TNKS: variants seen among roughly 807,000 people sequenced by gnomAD.
TNKS encodes the protein tankyrase, also known as poly [ADP-ribose] polymerase tankyrase-1.
TNKS carries 72 observed loss-of-function variants against 135.8 expected under a neutral mutation model. The ratio of observed to expected loss-of-function variants is 0.53; its 90% confidence interval spans 0.44 to 0.64. The LOEUF is 0.64. Ranked by LOEUF, TNKS falls within the 30% of genes least tolerant of loss-of-function variation. TNKS has a pLI of 0.00. For synonymous variants in TNKS, 849 were observed against 649.3 expected, an observed-to-expected ratio of 1.31 and a Z score of -4.68; for missense variants, 1,769 against 1,674.0, an observed-to-expected ratio of 1.06 and a Z score of -0.99.
At position 9,770,086 on chromosome 8, in the gene TNKS, GT is replaced by G. The variant is rs780340221; in HGVS notation, c.3741-13del. The G allele has an allele frequency of 1.3e-6, 2 of 1,580,428 alleles. No homozygotes were observed. Among genetic ancestry groups the G allele is most frequent in the Middle Eastern group, 1.7e-4 (1 of 5,912 alleles). ...GATTTAAAGCTTCCTTCAAAGCATTGTTTTTTTCTTTTTCCTTAGACAAATG... is the reference window on the plus strand; with the variant it reads ...GATTTAAAGCTTCCTTCAAAGCATTGTTTTTTCTTTTTCCTTAGACAAATG... On this transcript the variant is annotated intron_variant, in intron 25 of 26. Transcript: ENST00000310430.
intron 25 of TNKS, among the ~76,000 whole-genome samples, 179 bp downstream of exon 25, chr8:9,766,604 G>A (rs1030367276): frequency 6.6e-5 from 10 of 150,820 alleles, no homozygotes; most frequent in African/African-American, 2.0e-4. Context: ...TCCTGCCTCA[G>A]CCTCCTCAGT....
intron 25 of TNKS, among the ~76,000 whole-genome samples, chr8:9,767,958 CAAAAAAA>C (rs1030767438): frequency 2.9e-5 from 2 of 68,068 alleles, no homozygotes; most frequent in Admixed American, 3.5e-4. Flanking sequence ...GACTCCGTCT[CAAAAAAA>C]AAAAAAAAAA....
chr8:9,706,923 C>T lies in TNKS; in HGVS notation c.1382C>T (p.Pro461Leu), dbSNP rs761541460. 2 of 1,613,988 alleles carry T rather than the reference C, an allele frequency of 1.2e-6. No individual in the cohort carries two copies. The highest frequency in any genetic ancestry group is 2.2e-5 in the East Asian group (1 of 44,860). ...TTGTTACTTAGCCATGGCGCTGATC[C>T]TACATTAGTCAACTGCCATGGCAAA... Reference protein sequence around the residue: ...CSLLLSHGADPTLVNCHGKSA... With the variant: ...CSLLLSHGADLTLVNCHGKSA... Residue 461 changes from proline to leucine, a missense_variant, in exon 8 of 27, where the codon CCT (proline) becomes CTT (leucine). This residue lies in a region of TNKS where 523 missense variants were observed against 541.0 expected (regional missense o/e 0.97). Coordinates refer to ENST00000310430, the MANE Select transcript of TNKS (RefSeq NM_003747.3).
At chr8:9,603,834 A>T (rs1457823476) in intron 2 of TNKS, among the ~76,000 whole-genome samples, 1 of 152,242 alleles carries the variant, frequency 6.6e-6, no homozygotes, top group Admixed American at 6.5e-5. Context: ...AAGAGAGAAC[A>T]GAACTCATCA....
At chr8:9,561,794 A>G (rs1797338864) in intron 1 of TNKS, among the ~76,000 whole-genome samples, 1 of 152,106 alleles carries the variant, frequency 6.6e-6, no homozygotes, top group African/African-American at 2.4e-5. Context: ...CCCAAAGTAT[A>G]TGTACCATTT....
At chr8:9,566,238 C>G (rs970649935) in intron 1 of TNKS, 3 of 152,062 alleles carry the variant, frequency 2.0e-5, no homozygotes, top group Non-Finnish European at 4.4e-5. Context: ...GAGGTACCAA[C>G]TTATGTTTTT....
chr8:9,696,673 C>G (rs1415566562), intron 5 of TNKS, among the ~76,000 whole-genome samples: 2 of 152,038 alleles, frequency 1.3e-5, no homozygotes, highest in African/African-American at 4.8e-5. Context: ...GGCTGAGAGT[C>G]AAATCAAGAT....
intron 3 of TNKS, among the ~76,000 whole-genome samples, chr8:9,616,864 A>G (rs1471527245): frequency 6.6e-6 from 1 of 152,194 alleles, no homozygotes; most frequent in East Asian, 1.9e-4. Flanking sequence ...ATTAAAATAC[A>G]TAGCCTCGGG....
At chr8:9,718,478 T>G (rs6601359) in intron 11 of TNKS, among the ~76,000 whole-genome samples, 1 of 152,140 alleles carries the variant, frequency 6.6e-6, no homozygotes, top group African/African-American at 2.4e-5. Flanking sequence ...CAGCCATTTC[T>G]TTGTGGTCTG....
chr8:9,658,533 C>T (rs1017703092), intron 3 of TNKS: 20 of 405,724 alleles, frequency 4.9e-5, no homozygotes, highest in African/African-American at 3.9e-4. Context: ...CAAGCAAATG[C>T]TGAGAGATTT....
intron 1 of TNKS, among the ~76,000 whole-genome samples, chr8:9,568,501 T>G (rs1247747995): frequency 2.0e-5 from 3 of 152,140 alleles, no homozygotes; most frequent in Admixed American, 6.5e-5. Context: ...GAATATAATA[T>G]TAGAAATTTT....
intron 3 of TNKS, among the ~76,000 whole-genome samples, chr8:9,619,807 CT>C (rs1799798055): frequency 7.2e-6 from 1 of 139,660 alleles, no homozygotes; most frequent in Non-Finnish European, 1.5e-5. Context: ...TTTTTTTTTC[CT>C]GCTAACTGCC....
rs1238763253 is a variant in TNKS at position 9,704,823 on chromosome 8, C to T, written c.1202+66C>T. 3.1e-6 allele frequency: 4 copies of T among 1,287,602 alleles called. No homozygotes were observed. The East Asian group carries it at 9.4e-5, about 30-fold the overall frequency. The allele number at this position is 1,287,602 out of a possible 1,614,324, so 79.8% of individuals were successfully genotyped here. On this transcript the variant is annotated intron_variant, in intron 6 of 26. Coordinates refer to ENST00000310430, the MANE Select transcript of TNKS (RefSeq NM_003747.3). Reference sequence around the variant, plus strand: ...TGTCTGATACTCTAAACTTTTAAAACACTAGACAAAGTCATATGTCCCATT... The same window carrying T: ...TGTCTGATACTCTAAACTTTTAAAATACTAGACAAAGTCATATGTCCCATT...
chr8:9,766,137 A>G, intron 24 of TNKS, 102 bp from the exon 25 acceptor site: 1 of 965,508 alleles, frequency 1.0e-6, no homozygotes, highest in Non-Finnish European at 1.5e-6. Context: ...TTTATACACC[A>G]TTCATTTCTT....
chr8:9,768,736 C>T lies in TNKS; in HGVS notation c.3741-1370C>T, dbSNP rs540399054. Among the ~76,000 whole-genome samples, 7 of 152,314 alleles carry T rather than the reference C, an allele frequency of 4.6e-5. No individual in the cohort carries two copies. In the East Asian group the frequency reaches 1.4e-3, roughly 29 times the overall value. Reference sequence around the variant, plus strand: ...GAATCTAACGACAACATAGCACTGCCACAAATGTAGAGAGAGATGGAGCTC... The same window carrying T: ...GAATCTAACGACAACATAGCACTGCTACAAATGTAGAGAGAGATGGAGCTC... On this transcript the variant is annotated intron_variant, in intron 25 of 26. Transcript: ENST00000310430.
chr8:9,608,778 G>C (rs934825429), intron 2 of TNKS, among the ~76,000 whole-genome samples: 1 of 152,186 alleles, frequency 6.6e-6, no homozygotes, highest in Non-Finnish European at 1.5e-5. Flanking sequence ...GACTCTTGTT[G>C]TGTTTATGTG....
At chr8:9,627,055 G>C (rs1486984110) in intron 3 of TNKS, among the ~76,000 whole-genome samples, 1 of 152,144 alleles carries the variant, frequency 6.6e-6, no homozygotes, top group Non-Finnish European at 1.5e-5. Flanking sequence ...AGAGGCTGAA[G>C]GTTAAGTTGA....
intron 2 of TNKS, among the ~76,000 whole-genome samples, chr8:9,614,647 A>C (rs1799573899): frequency 6.6e-6 from 1 of 152,190 alleles, no homozygotes; most frequent in African/African-American, 2.4e-5. Context: ...GGGACTCATC[A>C]ACGGTAGTGC....
intron 2 of TNKS, among the ~76,000 whole-genome samples, chr8:9,607,643 A>G (rs1799281586): frequency 6.6e-6 from 1 of 152,208 alleles, no homozygotes; most frequent in South Asian, 2.1e-4. Context: ...TCGTTTCCTA[A>G]GTGAGGCCTA....
Sources: allele counts gnomAD v4.1 joint callset (sites outside exome capture counted in the v4.1 genomes callset), GRCh38; gene constraint gnomAD v4.1.1; regional missense constraint gnomAD v4.1.1; transcripts MANE v1.5; gene names NCBI Gene and HGNC (gene_info 2026-07-23, HGNC 2026-07-21).